The following CALML4 variants were observed in gnomAD, a reference collection of about 807,000 sequenced individuals.
CALML4 encodes the protein calmodulin like 4.
CALML4 carries 16 observed loss-of-function variants against 17.9 expected under a neutral mutation model. That is an observed-to-expected ratio of 0.89 (90% CI 0.61 to 1.36). The LOEUF (loss-of-function observed/expected upper bound fraction) is 1.36. CALML4 is among the 40% of genes most tolerant of loss of function. CALML4 has a pLI of 0.00. For missense variants in CALML4, 203 were observed against 194.8 expected (o/e 1.04, Z -0.25); for synonymous variants, 86 against 71.5 (o/e 1.20, Z -1.02).
At position 68,193,934 on chromosome 15, in the gene CALML4, C is replaced by T; in HGVS notation, c.*81G>A. ...CTTGCCACTGTGTTTGCCATCTCTC[C>T]CAAGTGAAAAGAACACTTTTTAAAA... On this transcript the variant is annotated 3_prime_UTR_variant, in exon 5 of 5. Transcript: ENST00000467889. 2.1e-6 allele frequency: 2 copies of T among 967,050 alleles called. No individual in the cohort carries two copies. Among genetic ancestry groups the T allele is most frequent in the Non-Finnish European group, 1.6e-6 (1 of 620,876 alleles). The allele number at this position is 967,050 out of a possible 1,614,324, so 59.9% of individuals were successfully genotyped here.
At chr15:68,199,405 T>A in intron 3 of CALML4, 136 bp downstream of exon 3, 2 of 951,202 alleles carry the variant, frequency 2.1e-6, no homozygotes, top group Non-Finnish European at 3.1e-6. Context: ...ACTCCTGGTC[T>A]GGGGCTGCCA....
chr15:68,205,468 A>G, upstream of CALML4: 1 of 1,508,330 alleles, frequency 6.6e-7, no homozygotes, highest in Non-Finnish European at 9.0e-7. The surrounding 1 kb of genome is among the most constrained non-coding windows in gnomAD (Gnocchi z 4.8). Flanking sequence ...TTTTGAGGAA[A>G]TGGGGCTGCA....
intron 2 of CALML4, among the ~76,000 whole-genome samples, chr15:68,201,240 C>A (rs2093164675): frequency 1.3e-5 from 2 of 152,230 alleles, no homozygotes; most frequent in African/African-American, 4.8e-5. Flanking sequence ...TCCGAAGGGG[C>A]AAACCAAAGT....
chr15:68,191,340 A>G lies in CALML4; in HGVS notation c.*2675T>C, dbSNP rs1164270060. The G allele has an allele frequency of 1.3e-5, 2 of 152,694 alleles. No individual in the cohort carries two copies. Among genetic ancestry groups the G allele is most frequent in the Admixed American group, 1.3e-4 (2 of 15,290 alleles). The allele number at this position is 152,694 out of a possible 1,614,324, so 9.5% of individuals were successfully genotyped here. ...TTAAAAATGTATAGTAGACAATGTC[A>G]GTTTGTATAAAAGTACCAAGTGAAA... is the stretch of plus-strand genomic sequence containing the variant. On this transcript the variant is annotated 3_prime_UTR_variant, in exon 5 of 5. Transcript: ENST00000467889.
intron 4 of CALML4, among the ~76,000 whole-genome samples, chr15:68,195,547 C>T (rs2093140627): frequency 6.6e-6 from 1 of 152,140 alleles, no homozygotes; most frequent in African/African-American, 2.4e-5. Flanking sequence ...CTGAGGACAC[C>T]TGAGTAGAAC....
intron 3 of CALML4, among the ~76,000 whole-genome samples, 176 bp downstream of exon 3, chr15:68,199,365 G>A (rs2093157261): frequency 6.6e-6 from 1 of 152,144 alleles, no homozygotes; most frequent in African/African-American, 2.4e-5. Flanking sequence ...GTTGCTATGA[G>A]GATTCCAGGA....
At chr15:68,199,820 G>C in intron 2 of CALML4, 139 bp from the exon 3 acceptor site, 1 of 801,772 alleles carries the variant, frequency 1.2e-6, no homozygotes, top group Non-Finnish European at 1.9e-6. Flanking sequence ...TCCCAAGGGT[G>C]CTAGATACAG....
rs983591408 is a variant in CALML4, at chr15:68,192,629, C to T, written c.*1386G>A. Reference sequence around the variant, plus strand: ...GTTTGGGTCTGAAGCCACACAGCATCGTTGAGACAGTTGCACTAACACTAC... The same window carrying T: ...GTTTGGGTCTGAAGCCACACAGCATTGTTGAGACAGTTGCACTAACACTAC... On this transcript the variant is annotated 3_prime_UTR_variant, in exon 5 of 5. Coordinates refer to ENST00000467889, the MANE Select transcript of CALML4 (RefSeq NM_033429.3). 6.6e-6 allele frequency: 1 copy of T among 152,218 alleles called. No homozygotes were observed. Among genetic ancestry groups the T allele is most frequent in the Non-Finnish European group, 1.5e-5 (1 of 68,054 alleles). The allele number at this position is 152,218 out of a possible 1,614,324, so 9.4% of individuals were successfully genotyped here. A position where few individuals can be genotyped will look rare whatever the true frequency, so the allele number is the denominator to read the frequency against.
upstream of CALML4, chr15:68,205,903 A>C: frequency 5.9e-6 from 1 of 168,272 alleles, no homozygotes; most frequent in Non-Finnish European, 1.3e-5. This position sits in a 1 kb window ranked among gnomAD's most constrained non-coding sequence, Gnocchi z 4.8. Flanking sequence ...TGGCAAAATC[A>C]AGTGGCCAGC....
At chr15:68,205,732 C>T (rs930104465), upstream of CALML4, 6 of 272,596 alleles carry the variant, frequency 2.2e-5, no homozygotes, top group East Asian at 8.3e-5. This position sits in a 1 kb window ranked among gnomAD's most constrained non-coding sequence, Gnocchi z 4.8. Flanking sequence ...AGATGGGCAC[C>T]GGGGCTCGCA....
At position 68,197,504 on chromosome 15, in the gene CALML4, G is replaced by A. The variant is rs369780924; in HGVS notation, c.300C>T (p.Tyr100=). The change falls in exon 4 of 5, where the codon TAC becomes TAT. Residue 100 remains tyrosine, a synonymous_variant. Coordinates refer to ENST00000467889, the MANE Select transcript of CALML4 (RefSeq NM_033429.3). This position sits in a 1 kb window ranked among gnomAD's most constrained non-coding sequence, Gnocchi z 4.1. ...MLMVDKEKKG[Y]VMASDLRSKL... is the part of the protein sequence containing the mutation. ...TTGACCGCAGGTCGGACGCCATGACGTAACCTTTCTTCTCCTTGTCCACCA... is the reference window on the plus strand; with the variant it reads ...TTGACCGCAGGTCGGACGCCATGACATAACCTTTCTTCTCCTTGTCCACCA... 20 of 1,613,982 alleles carry A rather than the reference G, an allele frequency of 1.2e-5. No individual in the cohort carries two copies. The highest frequency in any genetic ancestry group is 1.6e-4 in the Middle Eastern group (1 of 6,084).
Position 68,205,186 on chromosome 15 carries a change from C to T in CALML4, c.4-35G>A, listed in dbSNP as rs1279151173. 22 of 1,614,138 alleles carry T rather than the reference C, an allele frequency of 1.4e-5. No individual in the cohort carries two copies. Among genetic ancestry groups the T allele is most frequent in the Middle Eastern group, 1.6e-4 (1 of 6,062 alleles). On this transcript the variant is annotated intron_variant, in intron 1 of 4. Coordinates refer to ENST00000467889, the MANE Select transcript of CALML4 (RefSeq NM_033429.3). The surrounding 1 kb of genome is among the most constrained non-coding windows in gnomAD (Gnocchi z 4.8). The stretch of plus-strand genomic sequence containing the variant: ...AGAAAGGAAAACAGTCAGGGGAGGG[C>T]TCCACCTGAGGTTCACGCCCCCAGC...
intron 2 of CALML4, among the ~76,000 whole-genome samples, chr15:68,203,164 G>A (rs901617637): frequency 5.3e-5 from 8 of 152,126 alleles, no homozygotes; most frequent in African/African-American, 1.7e-4. Context: ...TGGCCAGGCT[G>A]GTTTCAAACC....
chr15:68,194,580 C>T (rs2093134976), intron 4 of CALML4, among the ~76,000 whole-genome samples: 1 of 151,988 alleles, frequency 6.6e-6, no homozygotes, highest in Non-Finnish European at 1.5e-5. Context: ...GACGGGGTTT[C>T]ACCATGTTGG....
intron 2 of CALML4, among the ~76,000 whole-genome samples, chr15:68,201,027 A>G (rs1009959595): frequency 6.6e-5 from 10 of 151,526 alleles, no homozygotes; most frequent in Admixed American, 5.9e-4. Flanking sequence ...GAGCCCCCCA[A>G]ATCCCCAGCC....
In CALML4 at chr15:68,205,309, C is replaced by T. The variant is rs1225045650; in HGVS notation, c.-62G>A. 3 of 1,614,158 alleles carry T rather than the reference C, an allele frequency of 1.9e-6. No homozygotes were observed. The highest frequency in any genetic ancestry group is 2.5e-6 in the Non-Finnish European group (3 of 1,180,038). On this transcript the variant is annotated 5_prime_UTR_variant, in exon 1 of 5. Transcript: ENST00000467889. This position sits in a 1 kb window ranked among gnomAD's most constrained non-coding sequence, Gnocchi z 4.8. ...CCCAGAACCGCGTTCAGTTCCCTTT[C>T]CTCCAGCCTCAAGTCTAAAGTCTGC...
In CALML4 at chr15:68,193,907, G is replaced by C; in HGVS notation, c.*108C>G. The C allele has an allele frequency of 1.4e-6, 1 of 715,254 alleles. No individual in the cohort carries two copies. The highest frequency in any genetic ancestry group is 1.7e-5 in the South Asian group (1 of 57,626). The allele number at this position is 715,254 out of a possible 1,614,324, so 44.3% of individuals were successfully genotyped here. ...CTCTCTTCTATAGTTGGGTAATGTT[G>C]TCTTGCCACTGTGTTTGCCATCTCT... On this transcript the variant is annotated 3_prime_UTR_variant, in exon 5 of 5. Coordinates refer to ENST00000467889, the MANE Select transcript of CALML4 (RefSeq NM_033429.3).
chr15:68,193,001 A>C lies in CALML4; in HGVS notation c.*1014T>G, dbSNP rs946926164. 1 of 152,062 alleles carries C rather than the reference A, an allele frequency of 6.6e-6. No homozygotes were observed. The highest frequency in any genetic ancestry group is 1.5e-5 in the Non-Finnish European group (1 of 68,068). The allele number at this position is 152,062 out of a possible 1,614,324, so 9.4% of individuals were successfully genotyped here. ...CTAGCTGTGTAACTCACTCAAAGCC[A>C]CTCCAGCTGGATGGACTCCCAGAAA... On this transcript the variant is annotated 3_prime_UTR_variant, in exon 5 of 5. Transcript: ENST00000467889.
In CALML4 at chr15:68,205,204, C is replaced by A; in HGVS notation, c.3+41G>T. On this transcript the variant is annotated intron_variant, in intron 1 of 4. Transcript: ENST00000467889. The surrounding 1 kb of genome is among the most constrained non-coding windows in gnomAD (Gnocchi z 4.8). ...GGGAGGGCTCCACCTGAGGTTCACG[C>A]CCCCAGCCCTGGCCAGGCCGACACA... 6.2e-7 allele frequency: 1 copy of A among 1,614,064 alleles called. No individual in the cohort carries two copies. The highest frequency in any genetic ancestry group is 2.2e-5 in the East Asian group (1 of 44,896).
Sources: gnomAD v4.1 joint callset for allele counts (sites outside exome capture counted in the v4.1 genomes callset) on GRCh38, gnomAD v4.1.1 for gene constraint, Gnocchi (gnomAD v3.1) non-coding constraint, MANE v1.5 for transcripts, NCBI Gene and HGNC (gene_info 2026-07-23, HGNC 2026-07-21) for gene names.